SOBP: variants seen among roughly 807,000 people sequenced by gnomAD.
SOBP encodes sine oculis binding protein homolog, also known as sine oculis-binding protein homolog.
In SOBP, 4 loss-of-function variants were observed where a neutral mutation model predicts 53.6. That is an observed-to-expected ratio of 0.07 (90% CI 0.04 to 0.17). SOBP has a LOEUF of 0.17. Ranked by LOEUF, SOBP falls within the 10% of genes least tolerant of loss-of-function variation. SOBP has a pLI of 1.00. For missense variants in SOBP, 1,088 were observed against 1,204.7 expected (o/e 0.90, Z 1.43); for synonymous variants, 584 against 522.6 (o/e 1.12, Z -1.60).
At chr6:107,595,589 A>G (rs1785920980) in intron 5 of SOBP, among the ~76,000 whole-genome samples, 1 of 152,150 alleles carries the variant, frequency 6.6e-6, no homozygotes. Context: ...AGGAAACTAT[A>G]CATCATATAT....
intron 4 of SOBP, among the ~76,000 whole-genome samples, chr6:107,539,883 C>T (rs1371012769): frequency 6.6e-6 from 1 of 152,162 alleles, no homozygotes; most frequent in Non-Finnish European, 1.5e-5. Flanking sequence ...TCATAAGCTG[C>T]ATTCAGCACA....
intron 5 of SOBP, among the ~76,000 whole-genome samples, chr6:107,616,081 G>GGGA (rs1786776250): frequency 1.9e-5 from 2 of 105,390 alleles, no homozygotes; most frequent in African/African-American, 4.5e-5. Flanking sequence ...TGAGGAAGGG[G>GGGA]GGTGGGGGGG....
chr6:107,533,680 C>T (rs967416209), intron 4 of SOBP, 70 bp downstream of exon 4: 8 of 1,591,708 alleles, frequency 5.0e-6, no homozygotes, highest in Non-Finnish European at 6.9e-6. Flanking sequence ...TGCCTCATAG[C>T]TTCTAGCGGA....
chr6:107,638,874 C>G (rs1785260573), intron 6 of SOBP, among the ~76,000 whole-genome samples: 1 of 151,364 alleles, frequency 6.6e-6, no homozygotes, highest in African/African-American at 2.4e-5. Flanking sequence ...CTTTTTCATA[C>G]TGTAGTACTA....
Position 107,516,477 on chromosome 6 carries a change from C to CAA in SOBP, c.421+10062_421+10063dup, listed in dbSNP as rs577976911. Among the ~76,000 whole-genome samples, 1,145 of 116,056 alleles carry CAA rather than the reference C, an allele frequency of 9.9e-3. 20 individuals carry two copies. Among genetic ancestry groups the CAA allele is most frequent in the African/African-American group, 0.03 (964 of 31,936 alleles). 76.1% of individuals were successfully genotyped at this position (116,056 alleles called of 152,430 possible). A position where few individuals can be genotyped will look rare whatever the true frequency, so the allele number is the denominator to read the frequency against. ...TGAGCAGCAGAGCAAGACTCTGTCTCAAAAAAAAAAAAAGAAAAGAAAAGA... is the reference window on the plus strand; with the variant it reads ...TGAGCAGCAGAGCAAGACTCTGTCTCAAAAAAAAAAAAAAAGAAAAGAAAAGA... On this transcript the variant is annotated intron_variant, in intron 3 of 6. Coordinates refer to ENST00000317357, the MANE Select transcript of SOBP (RefSeq NM_018013.4).
At chr6:107,654,583 G>T (rs1583316609) in intron 6 of SOBP, among the ~76,000 whole-genome samples, 1 of 152,196 alleles carries the variant, frequency 6.6e-6, no homozygotes, top group Non-Finnish European at 1.5e-5. Flanking sequence ...CTACATATTT[G>T]ATACTGGATT....
chr6:107,605,347 G>C (rs962558343), intron 5 of SOBP, among the ~76,000 whole-genome samples: 11 of 152,240 alleles, frequency 7.2e-5, no homozygotes, highest in African/African-American at 2.7e-4. Flanking sequence ...AAGAGGTGCT[G>C]GGGTTCAGGG....
rs1278053190 is a variant in SOBP at position 107,644,704 on chromosome 6, T to C, written c.*3+9235T>C. 2.0e-5 allele frequency among the ~76,000 whole-genome samples: 3 copies of C among 152,238 alleles called. No homozygotes were observed. The South Asian group carries it at 6.2e-4, about 32-fold the overall frequency. On this transcript the variant is annotated intron_variant, in intron 6 of 6. Coordinates refer to ENST00000317357, the MANE Select transcript of SOBP (RefSeq NM_018013.4). ...CTCATAAACTTGCTTGGACATCTAA[T>C]AGCTCTTACCAAACAGCATTCTCAT...
chr6:107,559,561 A>T (rs1306113654), intron 4 of SOBP, among the ~76,000 whole-genome samples: 1 of 152,238 alleles, frequency 6.6e-6, no homozygotes, highest in East Asian at 1.9e-4. Context: ...GAATAAATGG[A>T]TCCACAGTCA....
chr6:107,537,889 A>G (rs1784047748), intron 4 of SOBP, among the ~76,000 whole-genome samples: 1 of 152,094 alleles, frequency 6.6e-6, no homozygotes, highest in Admixed American at 6.5e-5. Flanking sequence ...AGCAGATCAC[A>G]GTGGGAAGAA....
rs146638745 is a variant in SOBP, at chr6:107,559,334, C to T, written c.573+25724C>T. On this transcript the variant is annotated intron_variant, in intron 4 of 6. Transcript: ENST00000317357. ...CATTTTTTGAACCTGGGAACCCATA[C>T]AGAAGATGTGGAGGCTGTACAAGTA... Among the ~76,000 whole-genome samples the T allele has an allele frequency of 2.3e-3, 345 of 152,200 alleles. 2 individuals are homozygous for T. Among genetic ancestry groups the T allele is most frequent in the African/African-American group, 8.1e-3 (336 of 41,526 alleles).
intron 2 of SOBP, 30 bp from the exon 3 acceptor site, chr6:107,506,212 C>A: frequency 6.3e-7 from 1 of 1,597,264 alleles, no homozygotes; most frequent in South Asian, 1.1e-5. Flanking sequence ...ATTCCTTGGT[C>A]ACATTGAATA....
intron 4 of SOBP, among the ~76,000 whole-genome samples, chr6:107,573,608 GC>G (rs1785140487): frequency 6.6e-6 from 1 of 152,162 alleles, no homozygotes; most frequent in South Asian, 2.1e-4. Flanking sequence ...GCACCACATG[GC>G]CCTCCTCAAC....
chr6:107,577,687 G>A (rs1335380819), intron 4 of SOBP, among the ~76,000 whole-genome samples: 2 of 152,216 alleles, frequency 1.3e-5, no homozygotes, highest in Admixed American at 1.3e-4. Context: ...CTGCAGAACT[G>A]AGTGAGTTTG....
At chr6:107,620,543 C>A (rs1786965878) in intron 5 of SOBP, among the ~76,000 whole-genome samples, 1 of 152,222 alleles carries the variant, frequency 6.6e-6, no homozygotes, top group Admixed American at 6.5e-5. Context: ...ATGACCACAG[C>A]AGACACCAGC....
At chr6:107,613,636 T>C (rs1786678327) in intron 5 of SOBP, among the ~76,000 whole-genome samples, 2 of 152,218 alleles carry the variant, frequency 1.3e-5, no homozygotes, top group South Asian at 2.1e-4. Flanking sequence ...TTGATTATGA[T>C]TGTATAAGAA....
chr6:107,500,519 T>TA (rs980972941), intron 1 of SOBP, among the ~76,000 whole-genome samples: 16 of 151,806 alleles, frequency 1.1e-4, no homozygotes, highest in African/African-American at 2.7e-4. Context: ...AATTTAAATT[T>TA]AAAAAAAATT....
rs929859250 is a variant in SOBP at position 107,614,963 on chromosome 6, C to T, written c.670-18551C>T. ...CGTCTGGTTATAAATTCAGTGGGAA[C>T]ATCATTTTGAATGTTTCCTGATAAC... On this transcript the variant is annotated intron_variant, in intron 5 of 6. Coordinates refer to ENST00000317357, the MANE Select transcript of SOBP (RefSeq NM_018013.4). Among the ~76,000 whole-genome samples, 6 of 152,268 alleles carry T rather than the reference C, an allele frequency of 3.9e-5. No homozygotes were observed. In the East Asian group the frequency reaches 9.7e-4, roughly 25 times the overall value.
At chr6:107,616,009 C>T (rs1003990185) in intron 5 of SOBP, among the ~76,000 whole-genome samples, 1 of 135,936 alleles carries the variant, frequency 7.4e-6, no homozygotes, top group Admixed American at 8.9e-5. Context: ...GGTGACAGGG[C>T]GAGACTCTGT....
Sources: gnomAD v4.1 joint callset for allele counts (sites outside exome capture counted in the v4.1 genomes callset) on GRCh38, gnomAD v4.1.1 for gene constraint, MANE v1.5 for transcripts, NCBI Gene and HGNC (gene_info 2026-07-23, HGNC 2026-07-21) for gene names.